The following CFAP61 variants were observed in gnomAD, a reference collection of about 807,000 sequenced individuals.
The protein encoded by CFAP61 is cilia- and flagella-associated protein 61.
A neutral mutation model predicts 135.6 loss-of-function variants in CFAP61; 107 were observed. The ratio of observed to expected loss-of-function variants is 0.79; its 90% CI spans 0.67 to 0.93. The LOEUF is 0.93. Among genes scored for constraint, CFAP61 ranks in the 40% least tolerant of loss-of-function variants. CFAP61 has a pLI of 0.00. For synonymous variants in CFAP61, 575 were observed against 578.5 expected, an observed-to-expected ratio of 0.99 and a Z score of 0.09; for missense variants, 1,507 against 1,556.2, an observed-to-expected ratio of 0.97 and a Z score of 0.53.
chr20:20,242,261 G>C (rs1397819666), intron 18 of CFAP61, among the ~76,000 whole-genome samples: 1 of 152,136 alleles, frequency 6.6e-6, no homozygotes, highest in East Asian at 1.9e-4. Flanking sequence ...TTGAAGGGGA[G>C]GTGTGAACTA....
chr20:20,238,097 T>C (rs1393937531), intron 18 of CFAP61, among the ~76,000 whole-genome samples: 2 of 152,208 alleles, frequency 1.3e-5, no homozygotes, highest in Non-Finnish European at 2.9e-5. Context: ...CTCTTATGAT[T>C]TAAACAGAAA....
In CFAP61 at chr20:20,082,634, C is replaced by A. The variant is rs140044203; in HGVS notation, c.566+7019C>A. Among the ~76,000 whole-genome samples the A allele has an allele frequency of 7.9e-5, 12 of 152,296 alleles. No homozygotes were observed. In the East Asian group the frequency reaches 2.3e-3, roughly 29 times the overall value. The stretch of plus-strand genomic sequence containing the variant: ...ACTTGGCCAAGGAAAGGATTATGTG[C>A]TTTCAAACAATGTTGTGAAATAACT... On this transcript the variant is annotated intron_variant, in intron 6 of 26. Coordinates refer to ENST00000245957, the MANE Select transcript of CFAP61 (RefSeq NM_015585.4).
chr20:20,101,879 C>T (rs112248543), intron 8 of CFAP61, among the ~76,000 whole-genome samples: 1,708 of 152,228 alleles, frequency 0.011, 32 homozygotes, highest in African/African-American at 0.039. Context: ...CCGCCCACCT[C>T]GGCTTCCCAA....
chr20:20,243,632 T>A (rs1371619158), intron 18 of CFAP61, among the ~76,000 whole-genome samples: 1 of 152,118 alleles, frequency 6.6e-6, no homozygotes, highest in Non-Finnish European at 1.5e-5. Flanking sequence ...AGACAGGGTT[T>A]CACCATGTTG....
chr20:20,332,667 A>T (rs1050188493), intron 25 of CFAP61, among the ~76,000 whole-genome samples: 1 of 152,162 alleles, frequency 6.6e-6, no homozygotes, highest in African/African-American at 2.4e-5. Flanking sequence ...CCCAGGCTTG[A>T]GTTCTGTGGC....
intron 25 of CFAP61, among the ~76,000 whole-genome samples, chr20:20,308,725 G>T (rs2424346): frequency 0.67 from 102,412 of 152,030 alleles, 34,576 homozygotes; most frequent in East Asian, 0.74. Flanking sequence ...CTGACTGGTA[G>T]GTTCAGAACT....
intron 17 of CFAP61, among the ~76,000 whole-genome samples, chr20:20,209,903 A>G (rs1166083902): frequency 6.6e-6 from 1 of 151,918 alleles, no homozygotes; most frequent in Non-Finnish European, 1.5e-5. Context: ...TCCTCAGGCA[A>G]AGTCACCCCT....
chr20:20,127,129 C>T (rs113963645), intron 8 of CFAP61, among the ~76,000 whole-genome samples: 79 of 151,676 alleles, frequency 5.2e-4, no homozygotes, highest in Middle Eastern at 3.4e-3. Context: ...CTTCTTGTAT[C>T]GTTTTTTGGA....
chr20:20,142,699 G>A (rs1487692696), intron 8 of CFAP61, among the ~76,000 whole-genome samples, 158 bp from the exon 9 acceptor site: 8 of 152,234 alleles, frequency 5.3e-5, no homozygotes, highest in Middle Eastern at 3.4e-3. Context: ...GGGGGGCTGC[G>A]GAGACCTGCT....
chr20:20,166,289 G>T lies in CFAP61; in HGVS notation c.1206-108G>T, dbSNP rs561178729. On this transcript the variant is annotated intron_variant, in intron 11 of 26. Coordinates refer to ENST00000245957, the MANE Select transcript of CFAP61 (RefSeq NM_015585.4). ...CACCTAGACACACATTCTGACTAGT[G>T]GTTGGCTAATCGCTGCCCGAGGGGA... 1.0e-4 allele frequency: 82 copies of T among 811,968 alleles called. 1 individual carries two copies. The African/African-American group carries it at 1.1e-3, about 11-fold the overall frequency. The allele number at this position is 811,968 out of a possible 1,614,324, so 50.3% of individuals were successfully genotyped here.
At position 20,199,901 on chromosome 20, in the gene CFAP61, C is replaced by T. The variant is rs758705744; in HGVS notation, c.1931C>T (p.Pro644Leu). 16 of 1,613,758 alleles carry T rather than the reference C, an allele frequency of 9.9e-6. No individual in the cohort carries two copies. Among genetic ancestry groups the T allele is most frequent in the South Asian group, 2.2e-5 (2 of 91,078 alleles). Reference protein sequence around the residue: ...NAPSKAVSKDPMSYALNHTNR... With the variant: ...NAPSKAVSKDLMSYALNHTNR... The stretch of plus-strand genomic sequence containing the variant: ...CCATCAAAGGCGGTCTCCAAGGATC[C>T]GGTGGGTAGCAGGGCGGCAGGCAGG... Residue 644 changes from proline (P) to leucine (L), a missense_variant and splice_region_variant, in exon 17 of 27, where the codon CCG becomes CTG. By Grantham distance (98) the Pro-to-Leu change is moderately conservative. Coordinates refer to ENST00000245957, the MANE Select transcript of CFAP61 (RefSeq NM_015585.4).
intron 26 of CFAP61, among the ~76,000 whole-genome samples, chr20:20,355,625 A>T (rs2059085263): frequency 8.9e-6 from 1 of 112,698 alleles, no homozygotes; most frequent in African/African-American, 3.7e-5. Context: ...AGAGGGGAGA[A>T]GGTCACACTA....
At chr20:20,314,626 G>A (rs1177804396) in intron 25 of CFAP61, among the ~76,000 whole-genome samples, 5 of 143,266 alleles carry the variant, frequency 3.5e-5, no homozygotes, top group African/African-American at 1.3e-4. Flanking sequence ...ATGCTGGTGG[G>A]CTGCACCCAC....
intron 8 of CFAP61, among the ~76,000 whole-genome samples, chr20:20,118,294 T>TTTC (rs1373511528): frequency 3.3e-5 from 4 of 120,754 alleles, no homozygotes; most frequent in African/African-American, 6.2e-5. Context: ...TCTTTCTTTC[T>TTTC]TTCTTTCTTT....
chr20:20,189,849 C>T (rs888798233), intron 14 of CFAP61, among the ~76,000 whole-genome samples: 12 of 152,290 alleles, frequency 7.9e-5, no homozygotes, highest in East Asian at 1.9e-4. Flanking sequence ...GGCTGGAGTG[C>T]GATGGCGCGA....
At chr20:20,294,174 A>G (rs933051848) in intron 24 of CFAP61, among the ~76,000 whole-genome samples, 19 of 152,296 alleles carry the variant, frequency 1.2e-4, no homozygotes, top group African/African-American at 4.3e-4. Context: ...TGACCCCAGA[A>G]CCCTGCACCA....
intron 10 of CFAP61, among the ~76,000 whole-genome samples, chr20:20,160,711 AT>A (rs1347541541): frequency 6.6e-6 from 1 of 152,192 alleles, no homozygotes; most frequent in Non-Finnish European, 1.5e-5. Flanking sequence ...ACATTAGCAT[AT>A]GCTGTTGGAG....
At position 20,137,680 on chromosome 20, in the gene CFAP61, G is replaced by C. The variant is rs561686009; in HGVS notation, c.860-5177G>C. On this transcript the variant is annotated intron_variant, in intron 8 of 26. Transcript: ENST00000245957. ...TCCACTGGCCTATAGTAGGTCCAGA[G>C]ATGCCATTCAAGAGCCAAAGCCTGG... Among the ~76,000 whole-genome samples the C allele has an allele frequency of 3.3e-5, 5 of 152,288 alleles. No homozygotes were observed. The East Asian group carries it at 9.7e-4, about 29-fold the overall frequency.
At chr20:20,275,109 C>T (rs2053651075) in intron 21 of CFAP61, among the ~76,000 whole-genome samples, 2 of 152,138 alleles carry the variant, frequency 1.3e-5, no homozygotes. Flanking sequence ...TGCCTGGGCC[C>T]TTGTGCTTGC....
Sources: allele counts gnomAD v4.1 joint callset (sites outside exome capture counted in the v4.1 genomes callset), GRCh38; gene constraint gnomAD v4.1.1; transcripts MANE v1.5; gene names NCBI Gene and HGNC (gene_info 2026-07-23, HGNC 2026-07-21).